SND1: variants seen among roughly 807,000 people sequenced by gnomAD.
SND1 encodes the protein staphylococcal nuclease and tudor domain containing 1.
In SND1, 38 loss-of-function variants were observed where a neutral mutation model predicts 121.7. The ratio of observed to expected loss-of-function variants is 0.31; its 90% CI spans 0.24 to 0.41. The LOEUF is 0.41. Ranked by LOEUF, SND1 falls within the 10% of genes least tolerant of loss-of-function variation. The probability of loss-of-function intolerance (pLI) is 1.00; values close to 1 mark genes in which losing one functional copy is unlikely to be tolerated. For synonymous variants in SND1, 401 were observed against 447.4 expected (o/e 0.90, Z 1.31); for missense variants, 868 against 1,184.6 (o/e 0.73, Z 3.92).
intron 18 of SND1, among the ~76,000 whole-genome samples, chr7:128,083,540 G>C (rs904175860): frequency 6.6e-6 from 1 of 152,260 alleles, no homozygotes; most frequent in Non-Finnish European, 1.5e-5. Context: ...CAATGCAGCT[G>C]AATTATTAAG....
At chr7:127,898,846 T>A (rs1484655467) in intron 13 of SND1, among the ~76,000 whole-genome samples, 7 of 152,160 alleles carry the variant, frequency 4.6e-5, no homozygotes, top group African/African-American at 1.4e-4. Context: ...ATGTGATGCT[T>A]TTGTTCTGGA....
chr7:127,826,214 T>C (rs1798640495), intron 11 of SND1, among the ~76,000 whole-genome samples: 1 of 152,110 alleles, frequency 6.6e-6, no homozygotes, highest in Admixed American at 6.6e-5. Context: ...AAGTTGACAG[T>C]GGATTCTGAA....
At chr7:127,858,223 C>G (rs954216966) in intron 12 of SND1, 2 of 780,816 alleles carry the variant, frequency 2.6e-6, no homozygotes, top group Non-Finnish European at 2.3e-6. Flanking sequence ...TTTCCTGGTA[C>G]ATGCCAAGGT....
intron 12 of SND1, among the ~76,000 whole-genome samples, chr7:127,844,722 CCTAGATACTGT>C (rs1262015900): frequency 6.6e-6 from 1 of 152,042 alleles, no homozygotes; most frequent in Non-Finnish European, 1.5e-5. Flanking sequence ...TCAAGCAGGC[CCTAGATACTGT>C]CTAAAATGGT....
chr7:127,658,351 A>G (rs1795247449), intron 1 of SND1, among the ~76,000 whole-genome samples: 1 of 152,140 alleles, frequency 6.6e-6, no homozygotes, highest in African/African-American at 2.4e-5. Context: ...AAGAAAAAAT[A>G]CTTAGTCATA....
chr7:128,028,567 A>G (rs1028454878), intron 16 of SND1: 3 of 1,031,470 alleles, frequency 2.9e-6, no homozygotes, highest in South Asian at 3.4e-5. Context: ...TAACCAGCCC[A>G]TAGACTTAAT....
At chr7:127,668,382 C>T (rs763771563) in intron 1 of SND1, among the ~76,000 whole-genome samples, 2 of 152,170 alleles carry the variant, frequency 1.3e-5, no homozygotes, top group Non-Finnish European at 2.9e-5. Flanking sequence ...GCCGTATGAA[C>T]ACCATACTTC....
chr7:127,693,234 C>A (rs1452643929), intron 2 of SND1, among the ~76,000 whole-genome samples: 1 of 151,956 alleles, frequency 6.6e-6, no homozygotes, highest in Non-Finnish European at 1.5e-5. Context: ...AATCATCAGA[C>A]TCTTTGGTGA....
chr7:127,786,723 T>A (rs1399238458), intron 10 of SND1, among the ~76,000 whole-genome samples: 2 of 152,070 alleles, frequency 1.3e-5, no homozygotes, highest in Non-Finnish European at 2.9e-5. Flanking sequence ...GACTCACTGC[T>A]AGCTCCGCCT....
intron 14 of SND1, among the ~76,000 whole-genome samples, chr7:127,927,283 G>A (rs1584672575): frequency 1.3e-5 from 2 of 152,184 alleles, no homozygotes; most frequent in Admixed American, 1.3e-4. Context: ...TCTGAAAAAT[G>A]TAATTTGCTC....
At chr7:127,718,667 G>A (rs893685659) in intron 9 of SND1, 31 of 985,190 alleles carry the variant, frequency 3.1e-5, no homozygotes, top group Non-Finnish European at 3.5e-5. Context: ...CATTGCTGCC[G>A]TTGCTGCTAA....
intron 1 of SND1, among the ~76,000 whole-genome samples, chr7:127,670,374 T>A (rs758756842): frequency 1.3e-5 from 2 of 152,208 alleles, no homozygotes; most frequent in Non-Finnish European, 2.9e-5. Context: ...TACCTCAGCC[T>A]CCAGAGTAGC....
At chr7:127,670,673 T>C (rs1000546115) in intron 1 of SND1, among the ~76,000 whole-genome samples, 1 of 151,018 alleles carries the variant, frequency 6.6e-6, no homozygotes. Flanking sequence ...TATTTATTTA[T>C]TTATTTTTAT....
intron 11 of SND1, among the ~76,000 whole-genome samples, chr7:127,820,491 G>A (rs565341970): frequency 3.9e-5 from 6 of 152,232 alleles, no homozygotes; most frequent in Admixed American, 1.3e-4. Flanking sequence ...GCTGTTCTTC[G>A]GTATTTCTGC....
intron 1 of SND1, among the ~76,000 whole-genome samples, chr7:127,666,023 C>T (rs1795412478): frequency 6.6e-6 from 1 of 152,174 alleles, no homozygotes; most frequent in African/African-American, 2.4e-5. Flanking sequence ...TTGCTCTTGG[C>T]AGGTGAGCCC....
chr7:127,659,725 A>G (rs1345613795), intron 1 of SND1, among the ~76,000 whole-genome samples: 1 of 152,170 alleles, frequency 6.6e-6, no homozygotes, highest in Non-Finnish European at 1.5e-5. Context: ...GAGAGAAGAG[A>G]TCATTGGCCC....
intron 14 of SND1, among the ~76,000 whole-genome samples, chr7:127,908,654 G>A (rs1800396191): frequency 6.6e-6 from 1 of 152,106 alleles, no homozygotes; most frequent in Non-Finnish European, 1.5e-5. Context: ...TGGTTCTGTG[G>A]TGACTGACTT....
chr7:127,798,265 A>G (rs1798061497), intron 10 of SND1, among the ~76,000 whole-genome samples: 1 of 152,116 alleles, frequency 6.6e-6, no homozygotes, highest in Non-Finnish European at 1.5e-5. Context: ...TGTAATCAAG[A>G]CTGTTTCTTG....
At chr7:127,996,066 G>A (rs1389262604) in intron 16 of SND1, among the ~76,000 whole-genome samples, 2 of 151,840 alleles carry the variant, frequency 1.3e-5, no homozygotes, top group South Asian at 2.1e-4. Flanking sequence ...GGATGCCCCC[G>A]GGGAGCTCAT....
Sources: gnomAD v4.1 joint callset for allele counts (sites outside exome capture counted in the v4.1 genomes callset) on GRCh38, gnomAD v4.1.1 for gene constraint, MANE v1.5 for transcripts, NCBI Gene and HGNC (gene_info 2026-07-23, HGNC 2026-07-21) for gene names.